Variants in PCDHA4 observed in about 807,000 individuals in gnomAD.
PCDHA4 encodes protocadherin alpha 4, also known as protocadherin alpha-4.
PCDHA4 carries 49 observed loss-of-function variants against 61.4 expected under a neutral mutation model. That is an observed-to-expected ratio of 0.80 (90% CI 0.63 to 1.01). PCDHA4 has a LOEUF of 1.01. Among genes scored for constraint, PCDHA4 ranks in the 50% least tolerant of loss-of-function variants. PCDHA4 has a pLI of 0.00. For missense variants in PCDHA4, 1,254 were observed against 1,235.8 expected (o/e 1.01, Z -0.22); for synonymous variants, 590 against 550.3 (o/e 1.07, Z -1.01).
intron 1 of PCDHA4, chr5:140,878,044 G>A (rs1554170271): frequency 1.9e-6 from 1 of 516,218 alleles, no homozygotes; most frequent in Admixed American, 3.9e-5. Flanking sequence ...TGGAGGCCAT[G>A]GAGCACCACA....
rs782248893 is a variant in PCDHA4, at chr5:140,809,362, G to C, written c.2175G>C (p.Ala725=). 1 of 1,614,020 alleles carries C rather than the reference G, an allele frequency of 6.2e-7. No homozygotes were observed. Among genetic ancestry groups the C allele is most frequent in the Admixed American group, 1.7e-5 (1 of 60,014 alleles). ...TGTACACCGCGCTGCGGTGCTCTGC[G>C]CTGCCCACCGAGGGCGCGTGCGCTC... ...LLLYTALRCS[A]LPTEGACAPG... is the part of the protein sequence containing the mutation. Residue 725 remains alanine, a synonymous_variant, in exon 1 of 4, where the codon GCG becomes GCC. Transcript: ENST00000530339.
Position 141,000,361 on chromosome 5 carries a change from G to GTCTCTCTC in PCDHA4, c.2534-9238_2534-9231dup, listed in dbSNP as rs148596731. 4.9e-4 allele frequency among the ~76,000 whole-genome samples: 13 copies of GTCTCTCTC among 26,444 alleles called. No individual in the cohort carries two copies. In the East Asian group the frequency reaches 6.3e-3, roughly 13 times the overall value. The allele number at this position is 26,444 out of a possible 152,430, so 17.3% of individuals were successfully genotyped here. A position where few individuals can be genotyped will look rare whatever the true frequency, so the allele number is the denominator to read the frequency against. ...CCTATCTCTCTCTCTGTCTCTCTCT[G>GTCTCTCTC]TCTCTCTCTCTCTCTCTCTCTCTCT... is the stretch of plus-strand genomic sequence containing the variant. On this transcript the variant is annotated intron_variant, in intron 3 of 3. Coordinates refer to ENST00000530339, the MANE Select transcript of PCDHA4 (RefSeq NM_018907.4).
At chr5:140,966,490 T>G (rs533525977) in intron 1 of PCDHA4, 2 of 437,964 alleles carry the variant, frequency 4.6e-6, no homozygotes, top group Non-Finnish European at 7.9e-6. Flanking sequence ...TCCCTCCCCC[T>G]GGAGCTGTAG....
At chr5:140,890,226 G>C (rs1339541830) in intron 1 of PCDHA4, among the ~76,000 whole-genome samples, 7 of 152,100 alleles carry the variant, frequency 4.6e-5, no homozygotes, top group Admixed American at 4.6e-4. Context: ...AGACCTAGTT[G>C]TTAAGCATTT....
chr5:140,823,013 A>C, intron 1 of PCDHA4: 1 of 1,614,200 alleles, frequency 6.2e-7, no homozygotes, highest in South Asian at 1.1e-5. Context: ...AGCGCCCTGG[A>C]CCGCGAGAGC....
At chr5:140,862,657 C>A (rs2047475881) in intron 1 of PCDHA4, 6 of 545,246 alleles carry the variant, frequency 1.1e-5, no homozygotes, top group Admixed American at 9.6e-5. Flanking sequence ...CGCGCGGGAC[C>A]GGGACGCGCA....
intron 1 of PCDHA4, among the ~76,000 whole-genome samples, chr5:140,971,333 G>A (rs1015985935): frequency 6.6e-6 from 1 of 152,194 alleles, no homozygotes. Context: ...AATTATTTCA[G>A]AAAGTGCTTG....
chr5:140,836,475 G>T, intron 1 of PCDHA4: 1 of 1,613,846 alleles, frequency 6.2e-7, no homozygotes, highest in Non-Finnish European at 8.5e-7. Flanking sequence ...GGATGTCAAC[G>T]TGTACCTGAT....
intron 1 of PCDHA4, chr5:140,851,160 A>G: frequency 7.7e-7 from 1 of 1,297,140 alleles, no homozygotes; most frequent in Non-Finnish European, 9.9e-7. Context: ...TTCTGATGCT[A>G]TGCTGCCATA....
At chr5:140,868,925 T>C (rs558364822) in intron 1 of PCDHA4, 1 of 1,048,896 alleles carries the variant, frequency 9.5e-7, no homozygotes. Flanking sequence ...GAAAGTTCAT[T>C]TAAAGGTTGG....
intron 1 of PCDHA4, chr5:140,967,360 G>T: frequency 6.2e-7 from 1 of 1,607,656 alleles, no homozygotes. Flanking sequence ...TGGACCTTAA[G>T]CCCCTGCAGG....
intron 1 of PCDHA4, among the ~76,000 whole-genome samples, chr5:140,874,127 A>G (rs1297073584): frequency 2.0e-5 from 3 of 151,564 alleles, no homozygotes; most frequent in Non-Finnish European, 4.4e-5. Flanking sequence ...TAGTTTATTT[A>G]AGTTATCTTA....
chr5:140,836,602 T>C lies in PCDHA4; in HGVS notation c.2385+27030T>C, dbSNP rs2150265229. The C allele has an allele frequency of 3.1e-6, 5 of 1,613,586 alleles. No individual in the cohort carries two copies. The Admixed American group carries it at 5.0e-5, about 16-fold the overall frequency. On this transcript the variant is annotated intron_variant, in intron 1 of 3. Coordinates refer to ENST00000530339, the MANE Select transcript of PCDHA4 (RefSeq NM_018907.4). ...TGTAGTTTGGTAAAGCCCACTCTGGTGTGCTCCAGCGCGGTGGGGAGCTGG... is the reference window on the plus strand; with the variant it reads ...TGTAGTTTGGTAAAGCCCACTCTGGCGTGCTCCAGCGCGGTGGGGAGCTGG...
At chr5:140,942,851 G>T (rs1211748532) in intron 1 of PCDHA4, among the ~76,000 whole-genome samples, 2 of 151,980 alleles carry the variant, frequency 1.3e-5, no homozygotes, top group Non-Finnish European at 2.9e-5. Flanking sequence ...CCAGTAAGAT[G>T]ATTATTTTGC....
intron 1 of PCDHA4, chr5:140,883,418 C>T: frequency 6.2e-7 from 1 of 1,614,172 alleles, no homozygotes; most frequent in Non-Finnish European, 8.5e-7. Flanking sequence ...CTCAAATGGA[C>T]AGGTCACCTG....
Position 141,009,653 on chromosome 5 carries a change from C to T in PCDHA4, c.2560C>T (p.Pro854Ser). ...ACCAGAGGCAGGAGAAGTGTCCCCTCCAGTCGGTGCGGGTGTCAACAGCAA... is the reference window on the plus strand; with the variant it reads ...ACCAGAGGCAGGAGAAGTGTCCCCTTCAGTCGGTGCGGGTGTCAACAGCAA... The part of the protein sequence containing the change: ...PEPEAGEVSP[P>S]VGAGVNSNSW... The change falls in exon 4 of 4, where the codon CCA becomes TCA. Residue 854 changes from proline (P) to serine (S), a missense_variant. Physicochemically the swap from Pro to Ser is moderately conservative, Grantham distance 74. Transcript: ENST00000530339. 1 of 1,613,998 alleles carries T rather than the reference C, an allele frequency of 6.2e-7. No individual in the cohort carries two copies. The highest frequency in any genetic ancestry group is 8.5e-7 in the Non-Finnish European group (1 of 1,179,950).
rs2150503852 is a variant in PCDHA4 at position 140,850,955 on chromosome 5, C to T, written c.2385+41383C>T. The T allele has an allele frequency of 1.6e-5, 23 of 1,482,450 alleles. 2 individuals are homozygous for T. In the Admixed American group the frequency reaches 2.7e-4, roughly 17 times the overall value. 91.8% of individuals were successfully genotyped at this position (1,482,450 alleles called of 1,614,324 possible). A position where few individuals can be genotyped will look rare whatever the true frequency, so the allele number is the denominator to read the frequency against. On this transcript the variant is annotated intron_variant, in intron 1 of 3. Transcript: ENST00000530339. Reference sequence around the variant, plus strand: ...TTCTTGAAAGATATTATCGATTACTCCCAGGGGCCGTTCAAATAGTTTTAT... The same window carrying T: ...TTCTTGAAAGATATTATCGATTACTTCCAGGGGCCGTTCAAATAGTTTTAT...
At chr5:140,906,253 A>ACCTC (rs1329710908) in intron 1 of PCDHA4, among the ~76,000 whole-genome samples, 2 of 152,064 alleles carry the variant, frequency 1.3e-5, no homozygotes, top group African/African-American at 4.8e-5. Flanking sequence ...ACCCATACAC[A>ACCTC]CCTCCTGAAA....
intron 1 of PCDHA4, among the ~76,000 whole-genome samples, chr5:140,900,094 G>A (rs546671178): frequency 3.6e-4 from 55 of 152,150 alleles, no homozygotes; most frequent in East Asian, 2.3e-3. Context: ...ACAAGCATGC[G>A]CCACCATACC....
Sources: gnomAD v4.1 joint callset for allele counts (sites outside exome capture counted in the v4.1 genomes callset) on GRCh38, gnomAD v4.1.1 for gene constraint, MANE v1.5 for transcripts, NCBI Gene and HGNC (gene_info 2026-07-23, HGNC 2026-07-21) for gene names.